KCNIP4: variants seen among roughly 807,000 people sequenced by gnomAD.
KCNIP4 encodes Kv channel-interacting protein 4.
Under a neutral mutation model 34.0 loss-of-function variants are expected in KCNIP4, and 12 were observed. That is an observed-to-expected ratio of 0.35 (90% CI 0.23 to 0.57). The LOEUF is 0.57. KCNIP4 is among the 20% of genes least tolerant of loss of function. The pLI, the probability that KCNIP4 is intolerant of heterozygous loss-of-function variation, is 0.83. For missense variants in KCNIP4, 238 were observed against 311.7 expected, an observed-to-expected ratio of 0.76 and a Z score of 1.78; for synonymous variants, 124 against 102.2, an observed-to-expected ratio of 1.21 and a Z score of -1.29.
At chr4:21,038,222 G>A (rs768943332) in intron 1 of KCNIP4, among the ~76,000 whole-genome samples, 40 of 151,732 alleles carry the variant, frequency 2.6e-4, no homozygotes, top group African/African-American at 9.7e-5. Context: ...TGATCCACCC[G>A]CCTCAGCCTC....
chr4:21,660,112 TAA>T (rs1326328512), intron 1 of KCNIP4, among the ~76,000 whole-genome samples: 1 of 152,158 alleles, frequency 6.6e-6, no homozygotes, highest in East Asian at 1.9e-4. Context: ...TTCCCTTATT[TAA>T]AGTCTTAGGA....
intron 1 of KCNIP4, among the ~76,000 whole-genome samples, chr4:21,715,796 A>G (rs1216799651): frequency 6.6e-6 from 1 of 152,168 alleles, no homozygotes; most frequent in Non-Finnish European, 1.5e-5. Flanking sequence ...CTAAAAATTA[A>G]TTTGCTTTCT....
chr4:21,452,444 T>C (rs1365062227), intron 1 of KCNIP4, among the ~76,000 whole-genome samples: 1 of 152,054 alleles, frequency 6.6e-6, no homozygotes, highest in African/African-American at 2.4e-5. Context: ...GGCTCTGTCA[T>C]CACACTGCTT....
chr4:21,639,649 C>T (rs10446633), intron 1 of KCNIP4, among the ~76,000 whole-genome samples: 134,144 of 152,174 alleles, frequency 0.88, 59,441 homozygotes, highest in East Asian at 0.99. Flanking sequence ...AATTTAAAAA[C>T]TGAGAATTGA....
chr4:21,735,963 T>A (rs1204445888), intron 1 of KCNIP4, among the ~76,000 whole-genome samples: 1 of 152,152 alleles, frequency 6.6e-6, no homozygotes, highest in East Asian at 1.9e-4. Context: ...AAGCCATGCA[T>A]GGCCATGTGA....
In KCNIP4 at chr4:21,821,619, T is replaced by G. The variant is rs538109815; in HGVS notation, c.61+126952A>C. 2.6e-5 allele frequency among the ~76,000 whole-genome samples: 4 copies of G among 152,252 alleles called. No homozygotes were observed. In the East Asian group the frequency reaches 7.8e-4, roughly 30 times the overall value. ...ATGTTTTAGTGGGATGAATAAACTC[T>G]TCATTGCAGAGTGGAATATGCAGTT... On this transcript the variant is annotated intron_variant, in intron 1 of 8. Transcript: ENST00000382152.
chr4:21,736,918 T>C (rs1716030542), intron 1 of KCNIP4, among the ~76,000 whole-genome samples: 1 of 152,182 alleles, frequency 6.6e-6, no homozygotes, highest in African/African-American at 2.4e-5. Flanking sequence ...TTCTTGACTT[T>C]GATTTTAATT....
At chr4:21,652,230 A>G (rs924841137) in intron 1 of KCNIP4, among the ~76,000 whole-genome samples, 5 of 152,170 alleles carry the variant, frequency 3.3e-5, no homozygotes, top group Non-Finnish European at 4.4e-5. Flanking sequence ...TCCTTGTAGT[A>G]TAAGTTTTCA....
chr4:21,740,022 A>G (rs569914008), intron 1 of KCNIP4, among the ~76,000 whole-genome samples: 108 of 152,224 alleles, frequency 7.1e-4, no homozygotes, highest in African/African-American at 2.4e-3. Flanking sequence ...GGGTTTCAAA[A>G]TGTGGATGAT....
rs142992632 is a variant in KCNIP4 at position 21,040,300 on chromosome 4, C to G, written c.62-157591G>C. On this transcript the variant is annotated intron_variant, in intron 1 of 8. Coordinates refer to ENST00000382152, the MANE Select transcript of KCNIP4 (RefSeq NM_025221.6). ...AAACTGAAGCTAAAATGCTTTCAGACTTTCTCTCTTTGATACATTTGGTGT... is the reference window on the plus strand; with the variant it reads ...AAACTGAAGCTAAAATGCTTTCAGAGTTTCTCTCTTTGATACATTTGGTGT... 1.6e-3 allele frequency among the ~76,000 whole-genome samples: 241 copies of G among 152,310 alleles called. 1 individual carries two copies. Among genetic ancestry groups the G allele is most frequent in the South Asian group, 0.013 (64 of 4,830 alleles).
At chr4:21,199,182 G>T (rs1191409489) in intron 1 of KCNIP4, among the ~76,000 whole-genome samples, 1 of 152,156 alleles carries the variant, frequency 6.6e-6, no homozygotes, top group Non-Finnish European at 1.5e-5. Flanking sequence ...AATTTACAGT[G>T]CTACCGACAG....
At chr4:21,126,617 C>CA (rs71655615) in intron 1 of KCNIP4, among the ~76,000 whole-genome samples, 7,432 of 81,708 alleles carry the variant, frequency 0.091, 345 homozygotes, top group African/African-American at 0.15. Context: ...AGAGAAATAG[C>CA]AAAAAAAAAA....
chr4:20,945,071 A>G (rs1261052020), intron 1 of KCNIP4, among the ~76,000 whole-genome samples: 2 of 152,200 alleles, frequency 1.3e-5, no homozygotes, highest in Admixed American at 1.3e-4. Flanking sequence ...CTGGGCCATC[A>G]AAAGTCCATT....
intron 1 of KCNIP4, among the ~76,000 whole-genome samples, chr4:21,021,580 A>G (rs1413945870): frequency 6.6e-6 from 1 of 152,096 alleles, no homozygotes; most frequent in African/African-American, 2.4e-5. Context: ...TTACTTTAAA[A>G]AGAAATTTTT....
chr4:21,192,240 A>G (rs1755703255), intron 1 of KCNIP4, among the ~76,000 whole-genome samples: 1 of 152,196 alleles, frequency 6.6e-6, no homozygotes, highest in Admixed American at 6.5e-5. Flanking sequence ...GATGCCATCA[A>G]TTTTAGGGCA....
intron 1 of KCNIP4, among the ~76,000 whole-genome samples, chr4:21,947,180 C>G (rs1489110841): frequency 3.9e-5 from 6 of 152,184 alleles, no homozygotes; most frequent in African/African-American, 1.4e-4. Flanking sequence ...AGACAGAGAC[C>G]CTACGAACTC....
chr4:21,414,935 A>T (rs974121070), intron 1 of KCNIP4, among the ~76,000 whole-genome samples: 1 of 152,168 alleles, frequency 6.6e-6, no homozygotes, highest in Non-Finnish European at 1.5e-5. Flanking sequence ...TCAAGCATTC[A>T]TCATTTCTTT....
intron 1 of KCNIP4, among the ~76,000 whole-genome samples, chr4:21,146,848 T>G (rs866090043): frequency 6.6e-6 from 1 of 152,180 alleles, no homozygotes; most frequent in African/African-American, 2.4e-5. Context: ...AAGCATTTTT[T>G]ATTCTTTTGC....
At chr4:21,711,587 T>C (rs1326766832) in intron 1 of KCNIP4, among the ~76,000 whole-genome samples, 2 of 152,200 alleles carry the variant, frequency 1.3e-5, no homozygotes, top group African/African-American at 2.4e-5. Context: ...ATATAAAACA[T>C]TTTCATATAC....
Sources: allele counts gnomAD v4.1 joint callset (sites outside exome capture counted in the v4.1 genomes callset), GRCh38; gene constraint gnomAD v4.1.1; transcripts MANE v1.5; gene names NCBI Gene and HGNC (gene_info 2026-07-23, HGNC 2026-07-21).